Variants in ATP8B4 observed in about 807,000 individuals in gnomAD.
ATP8B4 encodes ATPase phospholipid transporting 8B4 (putative).
In ATP8B4, 133 loss-of-function variants were observed where a neutral mutation model predicts 145.6. That is an observed-to-expected ratio of 0.91 (90% CI 0.79 to 1.05). The LOEUF (loss-of-function observed/expected upper bound fraction) is 1.05. Among genes scored for constraint, ATP8B4 ranks in the 50% least tolerant of loss-of-function variants. The pLI is 0.00. For synonymous variants in ATP8B4, 507 were observed against 492.9 expected (o/e 1.03, Z -0.38); for missense variants, 1,458 against 1,425.2 (o/e 1.02, Z -0.37).
intron 15 of ATP8B4, among the ~76,000 whole-genome samples, chr15:49,931,976 A>G (rs1025850048): frequency 3.3e-5 from 5 of 151,744 alleles, no homozygotes; most frequent in Admixed American, 1.3e-4. Context: ...AAAATAAGTT[A>G]TATGTATATA....
chr15:49,931,110 C>G lies in ATP8B4; in HGVS notation c.1642+9G>C, dbSNP rs746228438. The stretch of plus-strand genomic sequence containing the variant: ...AAAGATCAAAAATAGTCTTAGCTAC[C>G]AACCATACCTATGACAGACATCCTT... On this transcript the variant is annotated intron_variant, in intron 16 of 27. Coordinates refer to ENST00000284509, the MANE Select transcript of ATP8B4 (RefSeq NM_024837.4). 34 of 1,600,442 alleles carry G rather than the reference C, an allele frequency of 2.1e-5. No individual in the cohort carries two copies. The highest frequency in any genetic ancestry group is 2.7e-5 in the Non-Finnish European group (32 of 1,172,004).
chr15:50,180,827 C>T (rs531161745), intron 1 of ATP8B4, among the ~76,000 whole-genome samples: 24 of 152,080 alleles, frequency 1.6e-4, no homozygotes, highest in African/African-American at 4.8e-4. Context: ...AGGTTGCTTG[C>T]GCAGTTACTA....
intron 3 of ATP8B4, among the ~76,000 whole-genome samples, chr15:50,056,275 T>C (rs772352585): frequency 5.9e-5 from 9 of 152,200 alleles, no homozygotes; most frequent in Non-Finnish European, 1.2e-4. Flanking sequence ...AATAATGTTA[T>C]TGAGCCAGGG....
chr15:49,880,079 C>G (rs547019992), intron 23 of ATP8B4: 1 of 152,274 alleles, frequency 6.6e-6, no homozygotes, highest in East Asian at 1.9e-4. Flanking sequence ...CCCCATTTTG[C>G]CTATGAGTAC....
chr15:50,117,349 C>T (rs1297887099), intron 1 of ATP8B4, among the ~76,000 whole-genome samples: 1 of 152,170 alleles, frequency 6.6e-6, no homozygotes, highest in Non-Finnish European at 1.5e-5. Context: ...TGCATCTGGC[C>T]AAACATACAT....
chr15:49,968,717 A>T (rs914415688), intron 13 of ATP8B4, among the ~76,000 whole-genome samples: 3 of 152,220 alleles, frequency 2.0e-5, no homozygotes, highest in African/African-American at 4.8e-5. Flanking sequence ...CAGATCAACG[A>T]GACAGAAAAT....
At chr15:49,944,456 A>C (rs937866794) in intron 14 of ATP8B4, among the ~76,000 whole-genome samples, 1 of 152,188 alleles carries the variant, frequency 6.6e-6, no homozygotes, top group African/African-American at 2.4e-5. Context: ...TTAAGTCAAA[A>C]ACCATTACAA....
At chr15:49,878,595 C>T (rs1295652232) in intron 24 of ATP8B4, among the ~76,000 whole-genome samples, 1 of 152,178 alleles carries the variant, frequency 6.6e-6, no homozygotes, top group African/African-American at 2.4e-5. Context: ...ACTGGCTAGT[C>T]TTTCACTTCC....
At chr15:49,962,124 A>G in intron 13 of ATP8B4, 104 bp from the exon 14 acceptor site, 1 of 818,072 alleles carries the variant, frequency 1.2e-6, no homozygotes, top group East Asian at 2.9e-5. Flanking sequence ...CACCATTACT[A>G]AATGGCATTA....
intron 13 of ATP8B4, among the ~76,000 whole-genome samples, chr15:49,965,097 A>T (rs551286086): frequency 4.6e-5 from 7 of 152,328 alleles, no homozygotes; most frequent in African/African-American, 1.7e-4. Flanking sequence ...TGATATAACA[A>T]TGCAACTGTG....
intron 26 of ATP8B4, among the ~76,000 whole-genome samples, chr15:49,863,286 G>A (rs1199720044): frequency 6.6e-6 from 1 of 152,228 alleles, no homozygotes; most frequent in Non-Finnish European, 1.5e-5. Flanking sequence ...CCAGGAGACT[G>A]TTGATGCAGC....
chr15:49,889,626 CA>C (rs2036582537), intron 23 of ATP8B4, among the ~76,000 whole-genome samples: 1 of 152,296 alleles, frequency 6.6e-6, no homozygotes, highest in South Asian at 2.1e-4. Flanking sequence ...CCTTGCACAC[CA>C]CAGCTGGATT....
chr15:50,111,768 T>A (rs1168361933), intron 1 of ATP8B4, among the ~76,000 whole-genome samples: 1 of 152,210 alleles, frequency 6.6e-6, no homozygotes, highest in African/African-American at 2.4e-5. Context: ...ATATTAGTTA[T>A]CTTAAAGGCA....
intron 13 of ATP8B4, among the ~76,000 whole-genome samples, chr15:49,969,751 A>T (rs2044911744): frequency 6.6e-6 from 1 of 152,002 alleles, no homozygotes; most frequent in Non-Finnish European, 1.5e-5. Context: ...AAATGGAGAA[A>T]CTCCTCCCTA....
intron 14 of ATP8B4, among the ~76,000 whole-genome samples, chr15:49,959,668 C>G (rs11070737): frequency 0.38 from 57,642 of 151,510 alleles, 11,997 homozygotes; most frequent in Non-Finnish European, 0.45. Flanking sequence ...TATTAAGAGG[C>G]ATAATGGAGA....
At position 49,972,543 on chromosome 15, in the gene ATP8B4, T is replaced by C. The variant is rs769016944; in HGVS notation, c.1243+39A>G. ...ATGGGGTCAGTTATTCAAGAAATTG[T>C]TAACAATATCGTTAAGAGAAAGGAA... On this transcript the variant is annotated intron_variant, in intron 13 of 27. Coordinates refer to ENST00000284509, the MANE Select transcript of ATP8B4 (RefSeq NM_024837.4). 3 of 1,569,152 alleles carry C rather than the reference T, an allele frequency of 1.9e-6. No homozygotes were observed. The African/African-American group carries it at 4.1e-5, about 22-fold the overall frequency.
At position 49,979,614 on chromosome 15, in the gene ATP8B4, TACCTC is replaced by T. The variant is rs2045980725; in HGVS notation, c.1032_1034+2del. The T allele has an allele frequency of 1.4e-6, 2 of 1,456,108 alleles. No homozygotes were observed. 90.2% of individuals were successfully genotyped at this position (1,456,108 alleles called of 1,614,324 possible). A position where few individuals can be genotyped will look rare whatever the true frequency, so the allele number is the denominator to read the frequency against. On this transcript the variant is annotated splice_donor_variant and coding_sequence_variant, in exon 12 of 28. Transcript: ENST00000284509. LOFTEE classifies it high-confidence loss of function. ...TTCATTAAAATATAAACTCTCATCT[TACCTC>T]ACATATAAGGAAATGGGTACAACTG...
At chr15:49,962,519 G>C (rs1055892535) in intron 13 of ATP8B4, among the ~76,000 whole-genome samples, 1 of 152,152 alleles carries the variant, frequency 6.6e-6, no homozygotes, top group Non-Finnish European at 1.5e-5. Flanking sequence ...AGAAAACATA[G>C]CCACCCATAT....
chr15:50,046,854 A>G (rs1346660096), intron 4 of ATP8B4, among the ~76,000 whole-genome samples: 1 of 152,266 alleles, frequency 6.6e-6, no homozygotes, highest in African/African-American at 2.4e-5. Context: ...CTAAATACCA[A>G]TTAACCATTC....
Sources: gnomAD v4.1 joint callset for allele counts (sites outside exome capture counted in the v4.1 genomes callset) on GRCh38, gnomAD v4.1.1 for gene constraint, MANE v1.5 for transcripts, NCBI Gene and HGNC (gene_info 2026-07-23, HGNC 2026-07-21) for gene names.